Variants in CNTNAP4 observed in about 807,000 individuals in gnomAD.
CNTNAP4 encodes contactin associated protein family member 4, also known as contactin-associated protein-like 4.
A neutral mutation model predicts 148.4 loss-of-function variants in CNTNAP4; 98 were observed. That is an observed-to-expected ratio of 0.66 (90% confidence interval 0.56 to 0.78). CNTNAP4 has a LOEUF of 0.78. Ranked by LOEUF, CNTNAP4 falls within the 30% of genes least tolerant of loss-of-function variation. The pLI is 0.00. For missense variants in CNTNAP4, 1,935 were observed against 1,565.6 expected, an observed-to-expected ratio of 1.24 and a Z score of -3.98; for synonymous variants, 730 against 565.1, an observed-to-expected ratio of 1.29 and a Z score of -4.14.
At chr16:76,294,041 T>C (rs770226357) in intron 1 of CNTNAP4, among the ~76,000 whole-genome samples, 23 of 152,158 alleles carry the variant, frequency 1.5e-4, no homozygotes, top group Non-Finnish European at 2.8e-4. Context: ...TATTTCTAAG[T>C]GGACTTCCAG....
chr16:76,515,662 G>A (rs1014719011), intron 15 of CNTNAP4, among the ~76,000 whole-genome samples: 6 of 152,160 alleles, frequency 3.9e-5, no homozygotes, highest in African/African-American at 1.4e-4. Context: ...CAAAAGACGT[G>A]GAAGGAGGTT....
chr16:76,415,246 C>G (rs950483443), intron 3 of CNTNAP4, among the ~76,000 whole-genome samples: 1 of 151,172 alleles, frequency 6.6e-6, no homozygotes, highest in East Asian at 1.9e-4. Flanking sequence ...ATTTATACAT[C>G]TTCTTACTAC....
chr16:76,392,071 A>G (rs1365746800), intron 3 of CNTNAP4, among the ~76,000 whole-genome samples: 1 of 152,132 alleles, frequency 6.6e-6, no homozygotes, highest in Non-Finnish European at 1.5e-5. Context: ...GCTCACTGCA[A>G]CGAGTTCTGC....
chr16:76,463,778 G>A (rs1052738834), intron 9 of CNTNAP4, among the ~76,000 whole-genome samples: 6 of 152,078 alleles, frequency 3.9e-5, no homozygotes, highest in Admixed American at 1.3e-4. Context: ...GATCTCCTAT[G>A]TAAATGCTCT....
At chr16:76,366,805 A>G (rs1329887758) in intron 3 of CNTNAP4, among the ~76,000 whole-genome samples, 4 of 152,194 alleles carry the variant, frequency 2.6e-5, no homozygotes, top group African/African-American at 7.2e-5. Context: ...TAGAATATGT[A>G]CAAGAAACAA....
chr16:76,552,595 A>G (rs1206369142), intron 21 of CNTNAP4, among the ~76,000 whole-genome samples: 1 of 152,218 alleles, frequency 6.6e-6, no homozygotes, highest in Non-Finnish European at 1.5e-5. Flanking sequence ...CTGTCTTTAG[A>G]GGGCACAGAT....
chr16:76,483,939 CAAT>C (rs1218245517), intron 12 of CNTNAP4, among the ~76,000 whole-genome samples: 1 of 151,688 alleles, frequency 6.6e-6, no homozygotes, highest in Non-Finnish European at 1.5e-5. Flanking sequence ...TTATTATGGG[CAAT>C]AATTTAGTAA....
At chr16:76,395,797 C>T (rs143808996) in intron 3 of CNTNAP4, among the ~76,000 whole-genome samples, 209 of 151,242 alleles carry the variant, frequency 1.4e-3, no homozygotes, top group African/African-American at 4.9e-3. Context: ...GGAGTGATCT[C>T]AGCTCACTGT....
At chr16:76,473,401 T>C (rs1444559997) in intron 10 of CNTNAP4, among the ~76,000 whole-genome samples, 1 of 152,182 alleles carries the variant, frequency 6.6e-6, no homozygotes, top group Non-Finnish European at 1.5e-5. Flanking sequence ...TGAACATCTC[T>C]TTTTTTATAA....
At chr16:76,370,252 T>C (rs1434866992) in intron 3 of CNTNAP4, among the ~76,000 whole-genome samples, 2 of 152,058 alleles carry the variant, frequency 1.3e-5, no homozygotes, top group Non-Finnish European at 2.9e-5. Context: ...GGGTTTCATA[T>C]GTGCAGCATG....
At chr16:76,514,769 C>G (rs2083181544) in intron 15 of CNTNAP4, among the ~76,000 whole-genome samples, 1 of 149,672 alleles carries the variant, frequency 6.7e-6, no homozygotes, top group Non-Finnish European at 1.5e-5. Context: ...AAAAGAGGAA[C>G]CAGTGAATTA....
intron 3 of CNTNAP4, among the ~76,000 whole-genome samples, chr16:76,393,866 A>C (rs963397415): frequency 7.9e-5 from 12 of 152,232 alleles, no homozygotes; most frequent in African/African-American, 2.9e-4. Context: ...AAAATAGCTT[A>C]AACATTAGGG....
chr16:76,307,126 G>A (rs2143991377), intron 1 of CNTNAP4, among the ~76,000 whole-genome samples: 1 of 152,064 alleles, frequency 6.6e-6, no homozygotes, highest in South Asian at 2.1e-4. Context: ...AATTAAAGAT[G>A]AACATAAAAA....
Position 76,507,756 on chromosome 16 carries a change from A to G in CNTNAP4, c.2365+9062A>G, listed in dbSNP as rs557978415. On this transcript the variant is annotated intron_variant, in intron 15 of 23. Transcript: ENST00000611870. ...TTTCAGAGTAGAAGCCTAGGCATTC[A>G]TACACAGGGTTAAACCTACTTTCTT... is the stretch of plus-strand genomic sequence containing the variant. Among the ~76,000 whole-genome samples the G allele has an allele frequency of 1.1e-3, 102 of 95,964 alleles. 37 individuals carry two copies. The highest frequency in any genetic ancestry group is 2.6e-3 in the South Asian group (6 of 2,352). The allele number at this position is 95,964 out of a possible 152,430, so 63.0% of individuals were successfully genotyped here. A position where few individuals can be genotyped will look rare whatever the true frequency, so the allele number is the denominator to read the frequency against.
chr16:76,483,230 A>AC (rs2081904208), intron 12 of CNTNAP4, among the ~76,000 whole-genome samples: 1 of 96,790 alleles, frequency 1.0e-5, no homozygotes, highest in Non-Finnish European at 1.9e-5. Flanking sequence ...AAGTTTTAAG[A>AC]AACACACACA....
intron 14 of CNTNAP4, among the ~76,000 whole-genome samples, chr16:76,497,611 T>C (rs7199988): frequency 0.84 from 126,252 of 150,434 alleles, 53,780 homozygotes; most frequent in East Asian, 0.97. Flanking sequence ...AACCAAACAC[T>C]GCATGTTCTC....
At chr16:76,519,238 A>T (rs770331710) in intron 15 of CNTNAP4, among the ~76,000 whole-genome samples, 5 of 152,204 alleles carry the variant, frequency 3.3e-5, no homozygotes, top group Non-Finnish European at 7.3e-5. Flanking sequence ...AATGAAATAG[A>T]CATTATTATG....
At chr16:76,514,585 G>A (rs2083169654) in intron 15 of CNTNAP4, among the ~76,000 whole-genome samples, 3 of 152,080 alleles carry the variant, frequency 2.0e-5, no homozygotes, top group Admixed American at 2.0e-4. Flanking sequence ...GTGTGGGGGT[G>A]GTTAGGGGGT....
intron 8 of CNTNAP4, among the ~76,000 whole-genome samples, chr16:76,455,198 A>G (rs1050547089): frequency 6.6e-6 from 1 of 152,240 alleles, no homozygotes; most frequent in African/African-American, 2.4e-5. Flanking sequence ...CAAAGCAAAA[A>G]TCAATGAGCA....
Sources: gnomAD v4.1 joint callset for allele counts (sites outside exome capture counted in the v4.1 genomes callset) on GRCh38, gnomAD v4.1.1 for gene constraint, MANE v1.5 for transcripts, NCBI Gene and HGNC (gene_info 2026-07-23, HGNC 2026-07-21) for gene names.